FHIP1A: variants seen among roughly 807,000 people sequenced by gnomAD.
The protein encoded by FHIP1A is FHF complex subunit HOOK interacting protein 1A.
In FHIP1A, 61 loss-of-function variants were observed where a neutral mutation model predicts 88.6. The observed-to-expected ratio is 0.69, with a 90% CI of 0.56 to 0.85. FHIP1A has a LOEUF of 0.85. FHIP1A is among the 40% of genes least tolerant of loss of function. FHIP1A has a pLI of 0.00. For missense variants in FHIP1A, 1,154 were observed against 1,273.5 expected (o/e 0.91, Z 1.43); for synonymous variants, 478 against 496.0 (o/e 0.96, Z 0.48).
At chr4:151,486,128 C>T (rs2126640442) in intron 3 of FHIP1A, among the ~76,000 whole-genome samples, 1 of 152,258 alleles carries the variant, frequency 6.6e-6, no homozygotes, top group Admixed American at 6.5e-5. Flanking sequence ...AATGCCACTG[C>T]TGATCTAACA....
At chr4:151,585,100 A>G (rs1021788523) in intron 5 of FHIP1A, among the ~76,000 whole-genome samples, 3 of 151,988 alleles carry the variant, frequency 2.0e-5, no homozygotes, top group Non-Finnish European at 4.4e-5. Flanking sequence ...CTGCCTCATT[A>G]TATTTTCTTG....
At chr4:151,458,504 G>C (rs1017310417) in intron 2 of FHIP1A, among the ~76,000 whole-genome samples, 6 of 152,076 alleles carry the variant, frequency 3.9e-5, no homozygotes, top group Non-Finnish European at 7.4e-5. Context: ...CAGAAGATGT[G>C]TGTGGGTTTG....
chr4:151,414,223 G>T (rs957690364), intron 1 of FHIP1A, among the ~76,000 whole-genome samples: 3 of 151,746 alleles, frequency 2.0e-5, no homozygotes, highest in Admixed American at 1.3e-4. Flanking sequence ...GCTAAGTTTT[G>T]TATTTTTTTA....
At chr4:151,460,731 C>T (rs1321363115) in intron 2 of FHIP1A, among the ~76,000 whole-genome samples, 1 of 152,078 alleles carries the variant, frequency 6.6e-6, no homozygotes, top group African/African-American at 2.4e-5. Context: ...TTTTTCATTT[C>T]CAAAATCAGC....
intron 7 of FHIP1A, among the ~76,000 whole-genome samples, chr4:151,608,890 C>T (rs1246172163): frequency 6.6e-6 from 1 of 152,144 alleles, no homozygotes; most frequent in East Asian, 1.9e-4. Context: ...GTAGTAGTAT[C>T]TAAAGGCGAG....
At position 151,624,132 on chromosome 4, in the gene FHIP1A, A is replaced by C. The variant is rs1166939181; in HGVS notation, c.979-5570A>C. 1.9e-4 allele frequency among the ~76,000 whole-genome samples: 29 copies of C among 152,214 alleles called. 1 individual carries two copies. The highest frequency in any genetic ancestry group is 1.9e-3 in the Admixed American group (29 of 15,288). On this transcript the variant is annotated intron_variant, in intron 7 of 13. Coordinates refer to ENST00000435205, the MANE Select transcript of FHIP1A (RefSeq NM_001109977.3). ...ACCCCAAAGGAGCAGCATCCATAGC[A>C]TTTGACAATATTCATGACAAGGTAA...
At position 151,441,467 on chromosome 4, in the gene FHIP1A, A is replaced by G. The variant is rs1728411548; in HGVS notation, c.-355-13234A>G. Among the ~76,000 whole-genome samples the G allele has an allele frequency of 4.6e-5, 7 of 152,282 alleles. No individual in the cohort carries two copies. The South Asian group carries it at 1.2e-3, about 27-fold the overall frequency. On this transcript the variant is annotated intron_variant, in intron 1 of 13. Transcript: ENST00000435205. The stretch of plus-strand genomic sequence containing the variant: ...TTGAATTGATTGTGTGTGTGTATAC[A>G]TATGTACATACATATTATATATTTT...
At chr4:151,463,042 A>T (rs1278653687) in intron 2 of FHIP1A, among the ~76,000 whole-genome samples, 5 of 152,192 alleles carry the variant, frequency 3.3e-5, no homozygotes, top group Admixed American at 3.3e-4. Context: ...TAGGTCTTTT[A>T]GAGCTCCTGT....
At chr4:151,638,315 T>TTGTG (rs146664249) in intron 8 of FHIP1A, among the ~76,000 whole-genome samples, 29,972 of 143,634 alleles carry the variant, frequency 0.21, 3,668 homozygotes, top group African/African-American at 0.34. Context: ...AAATAGGAGA[T>TTGTG]TGTGTGTGTG....
At chr4:151,613,191 A>G (rs1292379039) in intron 7 of FHIP1A, among the ~76,000 whole-genome samples, 1 of 152,178 alleles carries the variant, frequency 6.6e-6, no homozygotes, top group Non-Finnish European at 1.5e-5. Context: ...TTTCCATCCT[A>G]GTTGGGAATT....
Position 151,595,733 on chromosome 4 carries a change from G to A in FHIP1A, c.978+6807G>A, listed in dbSNP as rs182852454. 2.0e-5 allele frequency among the ~76,000 whole-genome samples: 3 copies of A among 152,238 alleles called. No individual in the cohort carries two copies. In the East Asian group the frequency reaches 5.8e-4, roughly 29 times the overall value. ...ACTTTATTGGGTGCATATATATTTA[G>A]GATAGTTAGCTCTTCTTGTTGCATT... On this transcript the variant is annotated intron_variant, in intron 7 of 13. Coordinates refer to ENST00000435205, the MANE Select transcript of FHIP1A (RefSeq NM_001109977.3).
chr4:151,526,665 A>AC (rs1175621631), intron 3 of FHIP1A, among the ~76,000 whole-genome samples: 33 of 139,964 alleles, frequency 2.4e-4, no homozygotes, highest in Non-Finnish European at 3.2e-4. Context: ...CGGGGGGCTG[A>AC]CCCCCCCTCC....
rs1437946107 is a variant in FHIP1A at position 151,650,206 on chromosome 4, C to T, written c.2165C>T (p.Pro722Leu). 2 of 1,551,736 alleles carry T rather than the reference C, an allele frequency of 1.3e-6. No homozygotes were observed. The highest frequency in any genetic ancestry group is 2.4e-5 in the East Asian group (1 of 40,920). ...CAAGAGAGGGAACCTGAAGCAGCCC[C>T]AGAATCCAACTCAGAGTTAGCATCC... ...PKQEREPEAA[P>L]ESNSELASPA... The change falls in exon 11 of 14, where the codon CCA becomes CTA. Residue 722 changes from proline (P) to leucine (L), a missense_variant. Transcript: ENST00000435205.
intron 2 of FHIP1A, among the ~76,000 whole-genome samples, chr4:151,464,009 C>A (rs984985971): frequency 6.6e-6 from 1 of 152,084 alleles, no homozygotes; most frequent in Non-Finnish European, 1.5e-5. Context: ...CTTCTGTCAG[C>A]CTCCTTAGCC....
At chr4:151,566,443 C>T in intron 4 of FHIP1A, 79 bp downstream of exon 4, 1 of 761,472 alleles carries the variant, frequency 1.3e-6, no homozygotes, top group Non-Finnish European at 2.2e-6. Flanking sequence ...GGTTTTCTAC[C>T]TCTGTGATAG....
intron 2 of FHIP1A, among the ~76,000 whole-genome samples, chr4:151,460,144 A>G (rs1266467169): frequency 3.3e-5 from 5 of 152,294 alleles, no homozygotes; most frequent in African/African-American, 1.2e-4. Context: ...TGTGAATACC[A>G]ACATACTGTT....
intron 2 of FHIP1A, among the ~76,000 whole-genome samples, chr4:151,468,531 ATT>A (rs1729406221): frequency 6.6e-6 from 1 of 152,060 alleles, no homozygotes; most frequent in Admixed American, 6.5e-5. Flanking sequence ...GAAACTCAGT[ATT>A]TTTTTCACTC....
chr4:151,473,149 C>G (rs1729584727), intron 2 of FHIP1A, among the ~76,000 whole-genome samples: 1 of 151,970 alleles, frequency 6.6e-6, no homozygotes, highest in South Asian at 2.1e-4. Flanking sequence ...GTGCCTTTTC[C>G]TTTTATACTG....
intron 3 of FHIP1A, among the ~76,000 whole-genome samples, chr4:151,509,687 G>A (rs1730958104): frequency 1.3e-5 from 2 of 152,028 alleles, no homozygotes; most frequent in East Asian, 1.9e-4. Flanking sequence ...CACCTCAGAC[G>A]CCTCCTTTGT....
Sources: gnomAD v4.1 joint callset for allele counts (sites outside exome capture counted in the v4.1 genomes callset) on GRCh38, gnomAD v4.1.1 for gene constraint, MANE v1.5 for transcripts, NCBI Gene and HGNC (gene_info 2026-07-23, HGNC 2026-07-21) for gene names.